Variants in TMEM245 observed in about 807,000 individuals in gnomAD.
TMEM245 encodes the protein protein CG-2.
TMEM245 carries 69 observed loss-of-function variants against 101.2 expected under a neutral mutation model. The observed-to-expected ratio is 0.68, with a 90% CI of 0.56 to 0.83. The LOEUF (loss-of-function observed/expected upper bound fraction) is 0.83. Ranked by LOEUF, TMEM245 falls within the 40% of genes least tolerant of loss-of-function variation. TMEM245 has a pLI of 0.00. For missense variants in TMEM245, 1,075 were observed against 1,092.8 expected (o/e 0.98, Z 0.23); for synonymous variants, 537 against 449.8 (o/e 1.19, Z -2.45).
chr9:109,036,409 TAAC>T (rs766691027), intron 15 of TMEM245, 29 bp from the exon 16 acceptor site: 6 of 1,547,290 alleles, frequency 3.9e-6, no homozygotes, highest in Non-Finnish European at 4.3e-6. Flanking sequence ...AAAAACAACT[TAAC>T]ATCATCAGCA....
At chr9:109,044,583 G>C (rs12552890) in intron 14 of TMEM245, among the ~76,000 whole-genome samples, 8,247 of 152,116 alleles carry the variant, frequency 0.054, 352 homozygotes, top group Admixed American at 0.12. Flanking sequence ...TGGTGGGAGA[G>C]ACCAGTCAGC....
intron 2 of TMEM245, among the ~76,000 whole-genome samples, chr9:109,107,224 C>CTAAAAA (rs1269485818): frequency 6.6e-6 from 1 of 150,532 alleles, no homozygotes; most frequent in Admixed American, 6.6e-5. Flanking sequence ...CCCATCTCCA[C>CTAAAAA]TAAAAATAAA....
rs1041453597 is a variant in TMEM245, at chr9:109,016,668, T to G, written c.*3792A>C. On this transcript the variant is annotated 3_prime_UTR_variant, in exon 18 of 18. Transcript: ENST00000374586. The stretch of plus-strand genomic sequence containing the variant: ...GCAGACAGCATGTGTGTTTTTTTTT[T>G]TTTTTTTTTTTGCAGGTTCCCAATA... The G allele has an allele frequency of 2.2e-4, 33 of 151,876 alleles. No individual in the cohort carries two copies. Among genetic ancestry groups the G allele is most frequent in the African/African-American group, 5.3e-4 (22 of 41,490 alleles). The allele number at this position is 151,876 out of a possible 1,614,324, so 9.4% of individuals were successfully genotyped here. A position where few individuals can be genotyped will look rare whatever the true frequency, so the allele number is the denominator to read the frequency against.
At position 109,113,995 on chromosome 9, in the gene TMEM245, G is replaced by C. The variant is rs542362268; in HGVS notation, c.579+5340C>G. On this transcript the variant is annotated intron_variant, in intron 1 of 17. Transcript: ENST00000374586. ...GGAGGCTGAGGCAGGAGAATCACTT[G>C]AACCCGGGAGGCAGAGGTTGCGGTG... Among the ~76,000 whole-genome samples the C allele has an allele frequency of 3.6e-3, 555 of 152,300 alleles. 2 individuals carry two copies. The highest frequency in any genetic ancestry group is 0.027 in the Middle Eastern group (8 of 294).
In TMEM245 at chr9:109,091,077, G is replaced by A. The variant is rs770719936; in HGVS notation, c.995C>T (p.Ser332Leu). Residue 332 changes from serine (S) to leucine (L), a missense_variant, in exon 5 of 18, where the codon TCA becomes TTA. By Grantham distance (145) the Ser-to-Leu change is moderately radical (BLOSUM62 -2). Transcript: ENST00000374586. Reference sequence around the variant, plus strand: ...AGGCCTTCGTCTGCCCAGAGTAGGTGAAGGGGAAGTGGGTGAAGGGGAGGA... The same window carrying A: ...AGGCCTTCGTCTGCCCAGAGTAGGTAAAGGGGAAGTGGGTGAAGGGGAGGA... ...SPSSPSPTSP[S>L]PTLGRRRPEI... The A allele has an allele frequency of 2.5e-6, 4 of 1,614,120 alleles. No homozygotes were observed. Among genetic ancestry groups the A allele is most frequent in the Non-Finnish European group, 3.4e-6 (4 of 1,180,012 alleles).
chr9:109,096,556 TG>T (rs1280674656), intron 3 of TMEM245, among the ~76,000 whole-genome samples: 1 of 152,150 alleles, frequency 6.6e-6, no homozygotes, highest in Non-Finnish European at 1.5e-5. Context: ...ACACCAGAGA[TG>T]GGGCAAGACT....
At chr9:109,064,722 T>C (rs966023111) in intron 9 of TMEM245, among the ~76,000 whole-genome samples, 155 bp from the exon 10 acceptor site, 5 of 152,262 alleles carry the variant, frequency 3.3e-5, no homozygotes, top group African/African-American at 1.2e-4. Context: ...ACTTCCAGGC[T>C]TAACTGTCCT....
intron 17 of TMEM245, among the ~76,000 whole-genome samples, chr9:109,024,254 C>CAT (rs1827727506): frequency 6.6e-6 from 1 of 152,216 alleles, no homozygotes; most frequent in African/African-American, 2.4e-5. Flanking sequence ...TGACAGAGCA[C>CAT]ATGCAACCAC....
At chr9:109,098,920 T>C (rs752073037) in intron 3 of TMEM245, among the ~76,000 whole-genome samples, 1 of 152,190 alleles carries the variant, frequency 6.6e-6, no homozygotes, top group East Asian at 1.9e-4. Context: ...GGTCAGACAG[T>C]GTCTGTTAAT....
At chr9:109,026,796 AATG>A (rs1161818381) in intron 17 of TMEM245, among the ~76,000 whole-genome samples, 1 of 151,902 alleles carries the variant, frequency 6.6e-6, no homozygotes, top group African/African-American at 2.4e-5. Flanking sequence ...CCTCCCCAAC[AATG>A]ATAAATGAGT....
At chr9:109,112,311 C>T (rs1280346105) in intron 1 of TMEM245, among the ~76,000 whole-genome samples, 1 of 151,870 alleles carries the variant, frequency 6.6e-6, no homozygotes, top group Non-Finnish European at 1.5e-5. Flanking sequence ...GAGGCTGAGG[C>T]GGGCAGATCA....
intron 3 of TMEM245, among the ~76,000 whole-genome samples, chr9:109,104,464 T>C (rs543409432): frequency 2.4e-4 from 36 of 151,958 alleles, no homozygotes; most frequent in African/African-American, 8.5e-4. Context: ...ATGGCAATGC[T>C]CCCCCCCGCC....
At chr9:109,073,516 T>C (rs1357447771) in intron 8 of TMEM245, 78 bp from the exon 9 acceptor site, 2 of 1,137,324 alleles carry the variant, frequency 1.8e-6, no homozygotes, top group African/African-American at 1.5e-5. Flanking sequence ...TACTCTATTA[T>C]TGGAACAATG....
chr9:109,022,020 C>T (rs770591658), intron 17 of TMEM245, among the ~76,000 whole-genome samples: 1 of 152,172 alleles, frequency 6.6e-6, no homozygotes, highest in Non-Finnish European at 1.5e-5. Flanking sequence ...CATGCCCCCT[C>T]CCTTACTCCT....
At chr9:109,041,453 A>ATTTTTTTTTTT (rs1193341550) in intron 14 of TMEM245, among the ~76,000 whole-genome samples, 1 of 83,208 alleles carries the variant, frequency 1.2e-5, no homozygotes, top group Non-Finnish European at 2.2e-5. Flanking sequence ...CATCCTACAA[A>ATTTTTTTTTTT]TTTTTTTTTT....
At chr9:109,063,917 C>T (rs1425675953) in intron 10 of TMEM245, among the ~76,000 whole-genome samples, 1 of 152,206 alleles carries the variant, frequency 6.6e-6, no homozygotes, top group African/African-American at 2.4e-5. Flanking sequence ...TGGGCACACA[C>T]TGCGAGCATG....
chr9:109,110,398 A>G (rs924123496), intron 1 of TMEM245, among the ~76,000 whole-genome samples: 3 of 152,168 alleles, frequency 2.0e-5, no homozygotes, highest in Non-Finnish European at 4.4e-5. Context: ...GCCACAGCCA[A>G]TAAATGACAG....
chr9:109,094,655 T>C (rs1481982682), intron 3 of TMEM245, among the ~76,000 whole-genome samples: 3 of 152,200 alleles, frequency 2.0e-5, no homozygotes, highest in Admixed American at 2.0e-4. Flanking sequence ...CCAAGATTAA[T>C]TGTCTGGTCT....
intron 3 of TMEM245, among the ~76,000 whole-genome samples, chr9:109,105,483 C>A (rs1239625223): frequency 6.6e-6 from 1 of 152,190 alleles, no homozygotes; most frequent in Non-Finnish European, 1.5e-5. Context: ...CCATACGACC[C>A]AGTAATTCTA....
Sources: allele counts gnomAD v4.1 joint callset (sites outside exome capture counted in the v4.1 genomes callset), GRCh38; gene constraint gnomAD v4.1.1; transcripts MANE v1.5; gene names NCBI Gene and HGNC (gene_info 2026-07-23, HGNC 2026-07-21).